The following SUGCT variants were observed in gnomAD, a reference collection of about 807,000 sequenced individuals.
SUGCT encodes the protein succinyl-CoA:glutarate CoA-transferase.
In SUGCT, 41 loss-of-function variants were observed where a neutral mutation model predicts 55.0. That is an observed-to-expected ratio of 0.74 (90% confidence interval 0.58 to 0.97). The LOEUF is 0.97. Ranked by LOEUF, SUGCT falls within the 50% of genes least tolerant of loss-of-function variation. The pLI is 0.00. For missense variants in SUGCT, 568 were observed against 547.8 expected, an observed-to-expected ratio of 1.04 and a Z score of -0.37; for synonymous variants, 187 against 200.4, an observed-to-expected ratio of 0.93 and a Z score of 0.56.
chr7:40,704,627 T>C (rs1785311920), intron 12 of SUGCT, among the ~76,000 whole-genome samples: 1 of 152,282 alleles, frequency 6.6e-6, no homozygotes, highest in East Asian at 1.9e-4. Flanking sequence ...AGGATGAGTT[T>C]TCCCCAGCCA....
the SUGCT span, among the ~76,000 whole-genome samples, chr7:40,991,027 C>G: frequency 6.6e-6 from 1 of 152,212 alleles, no homozygotes; most frequent in Non-Finnish European, 1.5e-5. Context: ...CACAACTTGA[C>G]TAACTACTTG....
intron 13 of SUGCT, among the ~76,000 whole-genome samples, chr7:40,820,686 A>G (rs546722743): frequency 6.6e-6 from 1 of 152,294 alleles, no homozygotes; most frequent in South Asian, 2.1e-4. Context: ...GGGGTTTTCT[A>G]AATATACAAT....
chr7:40,509,432 A>G (rs1792801365), intron 12 of SUGCT, among the ~76,000 whole-genome samples: 1 of 152,150 alleles, frequency 6.6e-6, no homozygotes, highest in African/African-American at 2.4e-5. Context: ...TCATTTCTTT[A>G]AACCTAGAGG....
intron 13 of SUGCT, among the ~76,000 whole-genome samples, chr7:40,799,937 C>T (rs1252174145): frequency 1.3e-5 from 2 of 152,134 alleles, no homozygotes; most frequent in Non-Finnish European, 2.9e-5. Context: ...TGAAAAACTG[C>T]GAGATTTTAT....
intron 1 of SUGCT, among the ~76,000 whole-genome samples, chr7:40,150,917 A>G (rs979689941): frequency 1.3e-5 from 2 of 152,054 alleles, no homozygotes; most frequent in African/African-American, 4.8e-5. Flanking sequence ...TGAATTCAGG[A>G]GAGAAGAGAT....
the SUGCT span, among the ~76,000 whole-genome samples, chr7:40,906,748 C>G: frequency 6.6e-6 from 1 of 152,006 alleles, no homozygotes; most frequent in Non-Finnish European, 1.5e-5. Context: ...GTCCTGGAAC[C>G]GATATCCCAT....
chr7:40,250,048 A>G (rs1472612892), intron 7 of SUGCT, among the ~76,000 whole-genome samples: 1 of 152,112 alleles, frequency 6.6e-6, no homozygotes, highest in Non-Finnish European at 1.5e-5. Flanking sequence ...CGGCCTCCCA[A>G]AGTGCTGGGA....
intron 13 of SUGCT, among the ~76,000 whole-genome samples, chr7:40,857,181 CA>C (rs1794221411): frequency 6.6e-6 from 1 of 152,122 alleles, no homozygotes; most frequent in Non-Finnish European, 1.5e-5. Flanking sequence ...GATGAAAGAT[CA>C]GATTAGTCAT....
chr7:40,641,326 T>C (rs1279301031), intron 12 of SUGCT, among the ~76,000 whole-genome samples: 2 of 152,144 alleles, frequency 1.3e-5, no homozygotes, highest in Admixed American at 6.5e-5. Flanking sequence ...CATTTTCCTT[T>C]TGGAACATTA....
chr7:40,747,062 G>T (rs367810182), intron 12 of SUGCT, among the ~76,000 whole-genome samples: 1 of 152,272 alleles, frequency 6.6e-6, no homozygotes, highest in South Asian at 2.1e-4. Flanking sequence ...GAAGCTGTGC[G>T]GGGCGGGTGC....
Position 40,275,362 on chromosome 7 carries a change from TA to T in SUGCT, c.720+708del, listed in dbSNP as rs534726452. On this transcript the variant is annotated intron_variant, in intron 8 of 13. Transcript: ENST00000335693. Reference sequence around the variant, plus strand: ...CAATTGTGTTTTTGAACACATAAAATAAGGTACTTAGGATTACAAAGGAAGC... The same window carrying T: ...CAATTGTGTTTTTGAACACATAAAATAGGTACTTAGGATTACAAAGGAAGC... Among the ~76,000 whole-genome samples, 18 of 152,312 alleles carry T rather than the reference TA, an allele frequency of 1.2e-4. No homozygotes were observed. The South Asian group carries it at 3.7e-3, about 32-fold the overall frequency.
intron 12 of SUGCT, among the ~76,000 whole-genome samples, chr7:40,737,569 A>T (rs1215393685): frequency 1.3e-5 from 2 of 152,232 alleles, no homozygotes; most frequent in Admixed American, 6.5e-5. Context: ...GCCTAAGGGC[A>T]TTATGAAAAA....
intron 13 of SUGCT, among the ~76,000 whole-genome samples, chr7:40,821,743 G>A (rs1792029668): frequency 1.3e-5 from 2 of 151,952 alleles, no homozygotes; most frequent in African/African-American, 4.8e-5. Context: ...TTTTTTGAAG[G>A]GTTTTTTGTG....
At chr7:40,809,372 C>A (rs549768393) in intron 13 of SUGCT, among the ~76,000 whole-genome samples, 1 of 152,146 alleles carries the variant, frequency 6.6e-6, no homozygotes, top group East Asian at 1.9e-4. Context: ...GTGGGCAAAT[C>A]AAAATGGGCA....
At chr7:40,398,075 G>A (rs1461117618) in intron 9 of SUGCT, among the ~76,000 whole-genome samples, 2 of 151,990 alleles carry the variant, frequency 1.3e-5, no homozygotes, top group Non-Finnish European at 2.9e-5. Flanking sequence ...AATATTCCAC[G>A]TTCTCTATTT....
chr7:40,399,840 G>A (rs771301306), intron 9 of SUGCT, among the ~76,000 whole-genome samples: 1 of 152,078 alleles, frequency 6.6e-6, no homozygotes, highest in Non-Finnish European at 1.5e-5. Flanking sequence ...ATGGTTTAGT[G>A]TTTCACCATT....
At chr7:40,768,362 C>T (rs1162081824) in intron 13 of SUGCT, among the ~76,000 whole-genome samples, 1 of 152,056 alleles carries the variant, frequency 6.6e-6, no homozygotes, top group Non-Finnish European at 1.5e-5. Flanking sequence ...TTGGGAGTTT[C>T]CTAGAGTCCT....
intron 12 of SUGCT, among the ~76,000 whole-genome samples, chr7:40,694,532 T>G (rs576000961): frequency 2.6e-5 from 4 of 152,324 alleles, no homozygotes; most frequent in African/African-American, 9.6e-5. Flanking sequence ...TTAACATTCA[T>G]AAATAACATT....
At chr7:40,269,494 T>G (rs1217389596) in intron 7 of SUGCT, among the ~76,000 whole-genome samples, 1 of 152,128 alleles carries the variant, frequency 6.6e-6, no homozygotes, top group East Asian at 1.9e-4. Flanking sequence ...GGCTAATTTT[T>G]GTATTTATCG....
Sources: gnomAD v4.1 joint callset for allele counts (sites outside exome capture counted in the v4.1 genomes callset) on GRCh38, gnomAD v4.1.1 for gene constraint, MANE v1.5 for transcripts, NCBI Gene and HGNC (gene_info 2026-07-23, HGNC 2026-07-21) for gene names.